NIM1K: variants seen among roughly 807,000 people sequenced by gnomAD.
NIM1K encodes serine/threonine-protein kinase NIM1.
In NIM1K, 35 loss-of-function variants were observed where a neutral mutation model predicts 37.1. The ratio of observed to expected loss-of-function variants is 0.94; its 90% CI spans 0.72 to 1.25. The LOEUF is 1.25. Ranked by LOEUF, NIM1K falls within the 50% of genes most tolerant of loss-of-function variation. NIM1K has a pLI of 0.00. For synonymous variants in NIM1K, 234 were observed against 206.6 expected (o/e 1.13, Z -1.14); for missense variants, 564 against 548.0 (o/e 1.03, Z -0.29).
intron 1 of NIM1K, among the ~76,000 whole-genome samples, chr5:43,224,158 C>G (rs1752420811): frequency 6.6e-6 from 1 of 151,674 alleles, no homozygotes; most frequent in African/African-American, 2.4e-5. Flanking sequence ...CCCCCTCTTG[C>G]CTCCCTGAGA....
At chr5:43,220,012 A>G (rs1045956318) in intron 1 of NIM1K, among the ~76,000 whole-genome samples, 1 of 152,222 alleles carries the variant, frequency 6.6e-6, no homozygotes, top group African/African-American at 2.4e-5. Flanking sequence ...GGCGTGAGCC[A>G]CCGTGCCCAG....
chr5:43,213,727 C>T (rs1366884531), intron 1 of NIM1K, among the ~76,000 whole-genome samples: 1 of 152,132 alleles, frequency 6.6e-6, no homozygotes, highest in Non-Finnish European at 1.5e-5. Context: ...AACTCCTGGC[C>T]TCAGGTGATC....
At chr5:43,202,860 A>G (rs923906115) in intron 1 of NIM1K, among the ~76,000 whole-genome samples, 2 of 152,210 alleles carry the variant, frequency 1.3e-5, no homozygotes, top group East Asian at 3.8e-4. Flanking sequence ...ACCTCACAAC[A>G]TACCTGGTTC....
intron 1 of NIM1K, among the ~76,000 whole-genome samples, chr5:43,230,277 C>T (rs950473646): frequency 6.7e-6 from 1 of 149,856 alleles, no homozygotes; most frequent in South Asian, 2.1e-4. Context: ...CTGCAATTCT[C>T]AGCACATGGC....
chr5:43,260,288 C>T (rs1051310092), intron 2 of NIM1K, among the ~76,000 whole-genome samples: 2 of 152,132 alleles, frequency 1.3e-5, no homozygotes, highest in African/African-American at 4.8e-5. Flanking sequence ...TGAAAGTGGG[C>T]ATTCTTGTCT....
chr5:43,218,424 C>A (rs1224764624), intron 1 of NIM1K, among the ~76,000 whole-genome samples: 3 of 152,200 alleles, frequency 2.0e-5, no homozygotes, highest in Non-Finnish European at 4.4e-5. Flanking sequence ...ATTCTGCCAG[C>A]TCTACAAGAA....
chr5:43,224,238 G>C (rs537828131), intron 1 of NIM1K, among the ~76,000 whole-genome samples: 45 of 151,968 alleles, frequency 3.0e-4, no homozygotes, highest in African/African-American at 1.0e-3. Context: ...CCTATGCGCT[G>C]TCCCCTCACC....
At chr5:43,246,803 T>C (rs1397542595) in intron 2 of NIM1K, among the ~76,000 whole-genome samples, 4 of 152,204 alleles carry the variant, frequency 2.6e-5, no homozygotes, top group African/African-American at 7.2e-5. Context: ...AGCACCCTTC[T>C]GCTGCTCTGA....
intron 1 of NIM1K, among the ~76,000 whole-genome samples, chr5:43,231,072 T>C (rs888648968): frequency 2.0e-5 from 3 of 152,178 alleles, no homozygotes; most frequent in Admixed American, 1.3e-4. Context: ...AATCCCAGGA[T>C]TTTGAGAGGC....
chr5:43,275,627 G>A (rs2111564491), intron 2 of NIM1K, among the ~76,000 whole-genome samples: 1 of 152,268 alleles, frequency 6.6e-6, no homozygotes, highest in East Asian at 1.9e-4. Flanking sequence ...CAGGCACTGA[G>A]AGTGAAATAA....
intron 2 of NIM1K, among the ~76,000 whole-genome samples, chr5:43,269,913 C>T (rs545481304): frequency 7.9e-5 from 12 of 152,066 alleles, no homozygotes; most frequent in African/African-American, 1.7e-4. Flanking sequence ...CCACCGTGCC[C>T]GGCCATGTGT....
intron 1 of NIM1K, among the ~76,000 whole-genome samples, chr5:43,244,655 A>G (rs1363929323): frequency 6.6e-6 from 1 of 152,230 alleles, no homozygotes; most frequent in Non-Finnish European, 1.5e-5. Flanking sequence ...CTAGTATAGG[A>G]CAAGTTGTGC....
chr5:43,214,813 C>CAAAAAAA (rs369233525), intron 1 of NIM1K, among the ~76,000 whole-genome samples: 138 of 71,058 alleles, frequency 1.9e-3, no homozygotes, highest in East Asian at 7.0e-3. Flanking sequence ...GACTCCGTCT[C>CAAAAAAA]AAAAAAAAAA....
intron 1 of NIM1K, among the ~76,000 whole-genome samples, chr5:43,210,759 G>A (rs1179440021): frequency 6.6e-6 from 1 of 152,186 alleles, no homozygotes; most frequent in Non-Finnish European, 1.5e-5. Flanking sequence ...CAGATTAATA[G>A]GAGAAAAGGC....
chr5:43,262,967 G>C (rs1753057991), intron 2 of NIM1K, among the ~76,000 whole-genome samples: 1 of 152,188 alleles, frequency 6.6e-6, no homozygotes, highest in South Asian at 2.1e-4. Flanking sequence ...AAGCCAACTT[G>C]ATCGTGGTGG....
chr5:43,207,627 C>A (rs193185520), intron 1 of NIM1K: 61 of 629,120 alleles, frequency 9.7e-5, no homozygotes, highest in Admixed American at 5.8e-4. Flanking sequence ...AAATACTTTA[C>A]ACAGGGGAAC....
At chr5:43,232,121 C>G in intron 1 of NIM1K, 2 of 1,037,218 alleles carry the variant, frequency 1.9e-6, no homozygotes, top group Non-Finnish European at 2.9e-6. Flanking sequence ...AACCTTGAAG[C>G]CAGGGGGCAC....
chr5:43,264,769 T>C (rs1310143270), intron 2 of NIM1K, among the ~76,000 whole-genome samples: 1 of 152,234 alleles, frequency 6.6e-6, no homozygotes, highest in Non-Finnish European at 1.5e-5. Flanking sequence ...TGGTTGTTCC[T>C]TTCCATGTTT....
At chr5:43,212,426 G>A (rs576458549) in intron 1 of NIM1K, among the ~76,000 whole-genome samples, 208 of 151,754 alleles carry the variant, frequency 1.4e-3, no homozygotes, top group African/African-American at 4.9e-3. Context: ...ACTCTCACGT[G>A]AGGACCAAAA....
Sources: allele counts gnomAD v4.1 joint callset (sites outside exome capture counted in the v4.1 genomes callset), GRCh38; gene constraint gnomAD v4.1.1; transcripts MANE v1.5; gene names NCBI Gene and HGNC (gene_info 2026-07-23, HGNC 2026-07-21).